Variants in FBXL7 observed in about 807,000 individuals in gnomAD.
FBXL7 encodes F-box and leucine rich repeat protein 7.
Under a neutral mutation model 38.3 loss-of-function variants are expected in FBXL7, and 12 were observed. That is an observed-to-expected ratio of 0.31 (90% CI 0.20 to 0.51). The LOEUF (loss-of-function observed/expected upper bound fraction) is 0.51, where lower values mean the gene tolerates loss of function less well. Among genes scored for constraint, FBXL7 ranks in the 20% least tolerant of loss-of-function variants. The probability of loss-of-function intolerance (pLI) is 0.98; values close to 1 mark genes in which losing one functional copy is unlikely to be tolerated. For missense variants in FBXL7, 567 were observed against 676.4 expected (o/e 0.84, Z 1.79); for synonymous variants, 297 against 300.9 (o/e 0.99, Z 0.13).
intron 2 of FBXL7, among the ~76,000 whole-genome samples, chr5:15,808,895 T>G (rs896195233): frequency 6.6e-6 from 1 of 152,202 alleles, no homozygotes; most frequent in Non-Finnish European, 1.5e-5. Context: ...TTTAAAAGTC[T>G]GCTTGCACTA....
chr5:15,689,124 C>T (rs1228063221), intron 2 of FBXL7, among the ~76,000 whole-genome samples: 1 of 152,198 alleles, frequency 6.6e-6, no homozygotes, highest in South Asian at 2.1e-4. Flanking sequence ...ACGTCATGGG[C>T]AATGCGACAG....
At chr5:15,643,623 T>C (rs1410139979) in intron 2 of FBXL7, among the ~76,000 whole-genome samples, 1 of 152,188 alleles carries the variant, frequency 6.6e-6, no homozygotes, top group Non-Finnish European at 1.5e-5. Context: ...TGCTCGGTCT[T>C]CCCTGGATTT....
intron 2 of FBXL7, among the ~76,000 whole-genome samples, chr5:15,846,060 T>C (rs558330049): frequency 1.3e-5 from 2 of 152,330 alleles, no homozygotes; most frequent in Admixed American, 1.3e-4. Context: ...TCCACTATGG[T>C]GTGTGGATAT....
intron 1 of FBXL7, among the ~76,000 whole-genome samples, chr5:15,578,335 G>A (rs185751826): frequency 6.6e-6 from 1 of 151,896 alleles, no homozygotes; most frequent in Non-Finnish European, 1.5e-5. Context: ...ATCCCCTTTC[G>A]GCAACAATTA....
intron 1 of FBXL7, among the ~76,000 whole-genome samples, chr5:15,526,767 C>T (rs1051465468): frequency 1.3e-5 from 2 of 152,164 alleles, no homozygotes; most frequent in African/African-American, 4.8e-5. Context: ...TAAACCTGGA[C>T]TGAGAGAATT....
At chr5:15,680,140 C>T (rs749811317) in intron 2 of FBXL7, among the ~76,000 whole-genome samples, 1 of 152,152 alleles carries the variant, frequency 6.6e-6, no homozygotes, top group East Asian at 1.9e-4. Flanking sequence ...CCACTGAAGG[C>T]AAGGATGTTG....
chr5:15,832,594 C>G (rs1201495717), intron 2 of FBXL7, among the ~76,000 whole-genome samples: 1 of 152,136 alleles, frequency 6.6e-6, no homozygotes, highest in African/African-American at 2.4e-5. Flanking sequence ...TTGCAAGTGG[C>G]TATCAGTAGA....
At chr5:15,660,637 C>T (rs930126483) in intron 2 of FBXL7, among the ~76,000 whole-genome samples, 3 of 152,188 alleles carry the variant, frequency 2.0e-5, no homozygotes, top group Admixed American at 6.5e-5. Flanking sequence ...GGATTACAGG[C>T]GTGAGACACC....
chr5:15,817,205 A>T (rs1738041032), intron 2 of FBXL7, among the ~76,000 whole-genome samples: 1 of 152,204 alleles, frequency 6.6e-6, no homozygotes, highest in Non-Finnish European at 1.5e-5. Flanking sequence ...TTTGTTGATG[A>T]CAGATGGACA....
chr5:15,732,116 ATAAAATTTAGTATT>A (rs1458139373), intron 2 of FBXL7, among the ~76,000 whole-genome samples: 3 of 152,340 alleles, frequency 2.0e-5, no homozygotes, highest in Admixed American at 6.5e-5. Context: ...CAGACACGGT[ATAAAATTTAGTATT>A]TAAAGGTTAG....
At chr5:15,517,105 C>T (rs1452427537) in intron 1 of FBXL7, among the ~76,000 whole-genome samples, 1 of 151,886 alleles carries the variant, frequency 6.6e-6, no homozygotes, top group Non-Finnish European at 1.5e-5. Context: ...CGGCTCACTG[C>T]AAGCTCCGCC....
rs2126473712 is a variant in FBXL7 at position 15,936,404 on chromosome 5, C to T, written c.740-46C>T. ...CCAGGGCATCCCCAGGCGTGGCTCCCCTGCTGGCAGGTTGCTCTGAGCCTG... is the reference window on the plus strand; with the variant it reads ...CCAGGGCATCCCCAGGCGTGGCTCCTCTGCTGGCAGGTTGCTCTGAGCCTG... On this transcript the variant is annotated intron_variant, in intron 3 of 3. Transcript: ENST00000504595. This position sits in a 1 kb window ranked among gnomAD's most constrained non-coding sequence, Gnocchi z 6.0. 2 of 1,580,564 alleles carry T rather than the reference C, an allele frequency of 1.3e-6. No homozygotes were observed. Among genetic ancestry groups the T allele is most frequent in the African/African-American group, 1.3e-5 (1 of 74,682 alleles).
intron 2 of FBXL7, 109 bp from the exon 3 acceptor site, chr5:15,927,764 TAAAAAAAAAAAAAAAAA>T (rs753935096): frequency 2.5e-6 from 1 of 401,974 alleles, no homozygotes; most frequent in Admixed American, 1.1e-4. Flanking sequence ...GACAAGATCT[TAAAAAAAAAAAAAAAAA>T]AAAAAAGAAG....
intron 1 of FBXL7, among the ~76,000 whole-genome samples, chr5:15,562,686 T>C (rs183678017): frequency 1.3e-5 from 2 of 152,114 alleles, no homozygotes; most frequent in African/African-American, 4.8e-5. Context: ...CCATCCCTTC[T>C]TCTGCTCCTC....
intron 2 of FBXL7, among the ~76,000 whole-genome samples, chr5:15,634,366 G>A (rs945007343): frequency 7.4e-6 from 1 of 135,496 alleles, no homozygotes; most frequent in African/African-American, 2.7e-5. Flanking sequence ...CTGTTGCCCA[G>A]TCTGGAGTGC....
chr5:15,815,854 A>G (rs1433834923), intron 2 of FBXL7, among the ~76,000 whole-genome samples: 1 of 152,148 alleles, frequency 6.6e-6, no homozygotes, highest in Non-Finnish European at 1.5e-5. Flanking sequence ...ATTTTAGATT[A>G]ATTTGTAGTA....
At chr5:15,536,463 C>T (rs566635151) in intron 1 of FBXL7, among the ~76,000 whole-genome samples, 90 of 152,306 alleles carry the variant, frequency 5.9e-4, no homozygotes, top group African/African-American at 2.1e-3. Context: ...GCCTTCAGAG[C>T]CCATATCTTG....
chr5:15,636,448 A>C (rs1309478574), intron 2 of FBXL7, among the ~76,000 whole-genome samples: 1 of 152,116 alleles, frequency 6.6e-6, no homozygotes, highest in South Asian at 2.1e-4. Context: ...TCTTGCCAGT[A>C]TTTTATTCAT....
intron 2 of FBXL7, among the ~76,000 whole-genome samples, chr5:15,647,643 T>TG (rs1310954396): frequency 6.6e-6 from 1 of 152,232 alleles, no homozygotes; most frequent in Non-Finnish European, 1.5e-5. Flanking sequence ...AGTCAACAAT[T>TG]GGAGTCCCAG....
Sources: allele counts gnomAD v4.1 joint callset (sites outside exome capture counted in the v4.1 genomes callset), GRCh38; gene constraint gnomAD v4.1.1; non-coding constraint Gnocchi (gnomAD v3.1); transcripts MANE v1.5; gene names NCBI Gene and HGNC (gene_info 2026-07-23, HGNC 2026-07-21).